Variants in FILIP1L observed in about 807,000 individuals in gnomAD.
The protein encoded by FILIP1L is filamin A interacting protein 1 like.
In FILIP1L, 55 loss-of-function variants were observed where a neutral mutation model predicts 96.6. The observed-to-expected ratio is 0.57, with a 90% confidence interval of 0.46 to 0.71. FILIP1L has a LOEUF of 0.71. FILIP1L is among the 30% of genes least tolerant of loss of function. The pLI is 0.00. For synonymous variants in FILIP1L, 467 were observed against 473.9 expected (o/e 0.99, Z 0.19); for missense variants, 1,304 against 1,321.2 (o/e 0.99, Z 0.20).
chr3:100,100,898 A>T (rs1268836135), intron 1 of FILIP1L, among the ~76,000 whole-genome samples: 1 of 152,186 alleles, frequency 6.6e-6, no homozygotes, highest in Admixed American at 6.5e-5. Context: ...TGATTCTTCC[A>T]TTCCTGGTGG....
intron 1 of FILIP1L, among the ~76,000 whole-genome samples, chr3:99,961,545 G>A (rs1708491128): frequency 6.6e-6 from 1 of 152,160 alleles, no homozygotes; most frequent in Non-Finnish European, 1.5e-5. Flanking sequence ...GTGACGTGCA[G>A]CTGAATACTG....
At chr3:100,028,340 A>G (rs957053880) in intron 1 of FILIP1L, among the ~76,000 whole-genome samples, 1 of 152,038 alleles carries the variant, frequency 6.6e-6, no homozygotes, top group Non-Finnish European at 1.5e-5. Flanking sequence ...AACCTTTACT[A>G]CTTTTGACTC....
intron 1 of FILIP1L, among the ~76,000 whole-genome samples, chr3:100,009,934 A>T (rs1201721462): frequency 6.6e-6 from 1 of 152,200 alleles, no homozygotes; most frequent in Non-Finnish European, 1.5e-5. Flanking sequence ...CTTTTGCTCC[A>T]TGTTTACCAT....
At position 100,093,869 on chromosome 3, in the gene FILIP1L, G is replaced by A. The variant is rs143997461; in HGVS notation, c.-11+20184C>T. Among the ~76,000 whole-genome samples the A allele has an allele frequency of 4.3e-3, 654 of 152,116 alleles. 2 individuals carry two copies. The highest frequency in any genetic ancestry group is 7.4e-3 in the Non-Finnish European group (505 of 67,980). Reference sequence around the variant, plus strand: ...CACAATTTTCTGAAGAGTTATCTAGGACATCTGAGTTTTTTCCATTTTTTG... The same window carrying A: ...CACAATTTTCTGAAGAGTTATCTAGAACATCTGAGTTTTTTCCATTTTTTG... On this transcript the variant is annotated intron_variant, in intron 1 of 5. Coordinates refer to ENST00000477258, the MANE Select transcript of FILIP1L (RefSeq NM_001387850.1).
At chr3:99,838,913 T>C (rs1943010308) in intron 5 of FILIP1L, among the ~76,000 whole-genome samples, 1 of 152,212 alleles carries the variant, frequency 6.6e-6, no homozygotes, top group Non-Finnish European at 1.5e-5. Context: ...TCCCTAGTGC[T>C]GTATTCATGG....
At chr3:99,842,673 G>A (rs1215275074) in intron 5 of FILIP1L, among the ~76,000 whole-genome samples, 2 of 152,090 alleles carry the variant, frequency 1.3e-5, no homozygotes, top group African/African-American at 4.8e-5. Flanking sequence ...CAACAATTTT[G>A]ACAATGAAAT....
At chr3:99,982,066 A>G (rs915833111) in intron 1 of FILIP1L, among the ~76,000 whole-genome samples, 1 of 152,242 alleles carries the variant, frequency 6.6e-6, no homozygotes, top group African/African-American at 2.4e-5. Context: ...ATGCATAAAT[A>G]GAAGTTTATA....
At chr3:99,958,224 T>C (rs1347166389) in intron 1 of FILIP1L, among the ~76,000 whole-genome samples, 2 of 146,548 alleles carry the variant, frequency 1.4e-5, no homozygotes, top group Non-Finnish European at 3.0e-5. Context: ...TTATTATTAT[T>C]ATTATTATTA....
At chr3:99,939,315 G>A (rs1006850355) in intron 1 of FILIP1L, among the ~76,000 whole-genome samples, 23 of 152,166 alleles carry the variant, frequency 1.5e-4, no homozygotes, top group African/African-American at 5.6e-4. Context: ...ACTTTAGTTC[G>A]TGTATCCTGG....
At chr3:100,020,811 G>A (rs1222744946) in intron 1 of FILIP1L, among the ~76,000 whole-genome samples, 2 of 121,800 alleles carry the variant, frequency 1.6e-5, no homozygotes, top group Non-Finnish European at 3.2e-5. Flanking sequence ...TCTGTTGCCA[G>A]GTTTGGAGTA....
chr3:100,030,775 G>A (rs780377528), intron 1 of FILIP1L, among the ~76,000 whole-genome samples: 9 of 152,086 alleles, frequency 5.9e-5, no homozygotes, highest in Non-Finnish European at 1.2e-4. Flanking sequence ...AAATCAATCC[G>A]TTTTCCCTCC....
chr3:99,998,933 C>T (rs899638366), intron 1 of FILIP1L, among the ~76,000 whole-genome samples: 1 of 152,218 alleles, frequency 6.6e-6, no homozygotes, highest in African/African-American at 2.4e-5. Context: ...TCTCCACTAT[C>T]TTTGGCATAA....
intron 5 of FILIP1L, among the ~76,000 whole-genome samples, chr3:99,840,569 G>A (rs571902161): frequency 6.6e-6 from 1 of 152,304 alleles, no homozygotes; most frequent in South Asian, 2.1e-4. Context: ...TTTGACATCT[G>A]TAAGTGGAAA....
intron 1 of FILIP1L, among the ~76,000 whole-genome samples, chr3:100,028,358 A>G (rs1202615014): frequency 6.6e-6 from 1 of 152,128 alleles, no homozygotes; most frequent in South Asian, 2.1e-4. Context: ...CTCTTCTTCC[A>G]GTACTGGATT....
chr3:100,040,440 C>T (rs953208109), intron 1 of FILIP1L: 2 of 152,078 alleles, frequency 1.3e-5, no homozygotes, highest in African/African-American at 4.8e-5. Context: ...ACAGATGTGA[C>T]CGTGGTTTTA....
intron 1 of FILIP1L, among the ~76,000 whole-genome samples, chr3:100,028,940 T>C (rs2064975872): frequency 6.6e-6 from 1 of 152,138 alleles, no homozygotes; most frequent in African/African-American, 2.4e-5. Flanking sequence ...CATATACATA[T>C]ATATCCTGTT....
At position 99,980,763 on chromosome 3, in the gene FILIP1L, A is replaced by G. The variant is rs377534055; in HGVS notation, c.-10-49733T>C. Among the ~76,000 whole-genome samples the G allele has an allele frequency of 3.9e-5, 6 of 152,252 alleles. No individual in the cohort carries two copies. In the South Asian group the frequency reaches 1.2e-3, roughly 32 times the overall value. ...TCACTGTTATCCGTTCTGCATTATT[A>G]TTAGTTACAGGTGTGACTTGTTTAA... On this transcript the variant is annotated intron_variant, in intron 1 of 5. Transcript: ENST00000477258.
intron 4 of FILIP1L, among the ~76,000 whole-genome samples, chr3:99,903,568 G>T (rs1401337889): frequency 1.3e-5 from 2 of 152,048 alleles, no homozygotes; most frequent in East Asian, 3.9e-4. Context: ...ATGTTTTAAA[G>T]AATTTTCCAT....
chr3:100,085,417 C>T (rs2065992256), intron 1 of FILIP1L, among the ~76,000 whole-genome samples: 1 of 152,138 alleles, frequency 6.6e-6, no homozygotes. Context: ...TCTTTTTATA[C>T]AAATGTTGCC....
Sources: allele counts gnomAD v4.1 joint callset (sites outside exome capture counted in the v4.1 genomes callset), GRCh38; gene constraint gnomAD v4.1.1; transcripts MANE v1.5; gene names NCBI Gene and HGNC (gene_info 2026-07-23, HGNC 2026-07-21).